Variants in NKAIN3 observed in about 807,000 individuals in gnomAD.
NKAIN3 encodes the protein sodium/potassium transporting ATPase interacting 3.
In NKAIN3, 25 loss-of-function variants were observed where a neutral mutation model predicts 30.2. The observed-to-expected ratio is 0.83, with a 90% CI of 0.60 to 1.16. The LOEUF is 1.16. NKAIN3 is among the 50% of genes most tolerant of loss of function. NKAIN3 has a pLI of 0.00. For missense variants in NKAIN3, 225 were observed against 254.1 expected, an observed-to-expected ratio of 0.89 and a Z score of 0.78; for synonymous variants, 91 against 89.6, an observed-to-expected ratio of 1.02 and a Z score of -0.09.
chr8:62,417,025 T>C (rs981614230), intron 1 of NKAIN3, among the ~76,000 whole-genome samples: 1 of 151,366 alleles, frequency 6.6e-6, no homozygotes, highest in East Asian at 1.9e-4. Flanking sequence ...TATATATGAC[T>C]ATAGTCACCC....
At position 62,971,797 on chromosome 8, in the gene NKAIN3, T is replaced by C. The variant is rs943524748; in HGVS notation, c.*6390T>C. ...ACACATTCTAGAAAAAATGTACATA[T>C]ATTCTTCAGTACTGTGAGAGATTTA... On this transcript the variant is annotated 3_prime_UTR_variant, in exon 7 of 7. Transcript: ENST00000623646. Among the ~76,000 whole-genome samples the C allele has an allele frequency of 2.6e-5, 4 of 152,210 alleles. No homozygotes were observed. Among genetic ancestry groups the C allele is most frequent in the African/African-American group, 9.6e-5 (4 of 41,456 alleles).
chr8:62,594,987 A>G (rs759625414), intron 3 of NKAIN3, among the ~76,000 whole-genome samples: 16 of 151,942 alleles, frequency 1.1e-4, no homozygotes, highest in Middle Eastern at 3.2e-3. Flanking sequence ...TGCTTCAAAC[A>G]TTTGAAGACC....
chr8:62,272,292 G>T (rs180815888), intron 1 of NKAIN3, among the ~76,000 whole-genome samples: 296 of 152,256 alleles, frequency 1.9e-3, no homozygotes, highest in African/African-American at 6.4e-3. Context: ...AGACAAGTAG[G>T]TTATCATAGT....
intron 1 of NKAIN3, among the ~76,000 whole-genome samples, chr8:62,272,576 T>C (rs2129393323): frequency 6.6e-6 from 1 of 152,316 alleles, no homozygotes; most frequent in Non-Finnish European, 1.5e-5. Flanking sequence ...TTGCAAATTG[T>C]ACTCAGTACC....
At chr8:62,457,540 T>G (rs140482086) in intron 1 of NKAIN3, among the ~76,000 whole-genome samples, 1 of 152,242 alleles carries the variant, frequency 6.6e-6, no homozygotes, top group Non-Finnish European at 1.5e-5. Context: ...GAGCACTTGA[T>G]GATTTCCACT....
At chr8:62,573,073 G>A (rs1360651745) in intron 1 of NKAIN3, among the ~76,000 whole-genome samples, 3 of 152,104 alleles carry the variant, frequency 2.0e-5, no homozygotes, top group Non-Finnish European at 4.4e-5. Flanking sequence ...AGCCTCATAA[G>A]AAAACACCTG....
chr8:62,746,374 A>C lies in NKAIN3; in HGVS notation c.274-558A>C, dbSNP rs61145974. Among the ~76,000 whole-genome samples the C allele has an allele frequency of 9.8e-3, 1,491 of 152,342 alleles. 23 individuals carry two copies. Among genetic ancestry groups the C allele is most frequent in the African/African-American group, 0.034 (1,413 of 41,580 alleles). On this transcript the variant is annotated intron_variant, in intron 3 of 6. Transcript: ENST00000623646. Reference sequence around the variant, plus strand: ...GATCCTAATTTAATCACATCTGCTCAGTCCTTTATTGCCTTATAAGGTAAA... The same window carrying C: ...GATCCTAATTTAATCACATCTGCTCCGTCCTTTATTGCCTTATAAGGTAAA...
intron 4 of NKAIN3, among the ~76,000 whole-genome samples, chr8:62,907,903 G>A (rs13272107): frequency 0.1 from 15,475 of 152,274 alleles, 883 homozygotes; most frequent in East Asian, 0.17. Context: ...CACCACTGGG[G>A]CAATGCCTAG....
chr8:62,745,024 T>G (rs1433910198), intron 3 of NKAIN3, among the ~76,000 whole-genome samples: 2 of 152,232 alleles, frequency 1.3e-5, no homozygotes, highest in African/African-American at 2.4e-5. Context: ...CTGGGAATGT[T>G]ACTACCCTTG....
chr8:62,941,603 C>T (rs1822955150), intron 5 of NKAIN3, among the ~76,000 whole-genome samples: 1 of 152,116 alleles, frequency 6.6e-6, no homozygotes, highest in Non-Finnish European at 1.5e-5. Flanking sequence ...GATGGTTTAA[C>T]ATATGCAAGT....
At chr8:62,469,769 G>A (rs1172713717) in intron 1 of NKAIN3, among the ~76,000 whole-genome samples, 1 of 152,128 alleles carries the variant, frequency 6.6e-6, no homozygotes, top group Non-Finnish European at 1.5e-5. Context: ...GTAGTGATAA[G>A]CTCTACTAAG....
At chr8:62,756,112 T>C (rs1353791267) in intron 4 of NKAIN3, among the ~76,000 whole-genome samples, 1 of 152,174 alleles carries the variant, frequency 6.6e-6, no homozygotes, top group Non-Finnish European at 1.5e-5. Flanking sequence ...TACCATACAA[T>C]TCATCATTTT....
intron 1 of NKAIN3, among the ~76,000 whole-genome samples, chr8:62,448,136 C>T (rs1805540161): frequency 6.6e-6 from 1 of 151,872 alleles, no homozygotes; most frequent in Non-Finnish European, 1.5e-5. Context: ...ACTCTCTTTG[C>T]TCTGACATAT....
At chr8:62,650,251 C>A (rs1418353839) in intron 3 of NKAIN3, among the ~76,000 whole-genome samples, 2 of 152,110 alleles carry the variant, frequency 1.3e-5, no homozygotes, top group African/African-American at 4.8e-5. Flanking sequence ...CTTATCAACC[C>A]TTCTTTCCTA....
intron 4 of NKAIN3, among the ~76,000 whole-genome samples, chr8:62,827,903 C>G (rs1367710711): frequency 6.6e-6 from 1 of 151,938 alleles, no homozygotes; most frequent in Non-Finnish European, 1.5e-5. Context: ...CATTTTAGAA[C>G]ACAGATCATA....
intron 3 of NKAIN3, among the ~76,000 whole-genome samples, chr8:62,632,611 T>A (rs184393269): frequency 6.6e-6 from 1 of 152,190 alleles, no homozygotes; most frequent in African/African-American, 2.4e-5. Context: ...CAAGCGATTC[T>A]CCTTCCTCAG....
At chr8:62,759,423 T>G (rs897741298) in intron 4 of NKAIN3, among the ~76,000 whole-genome samples, 18 of 152,184 alleles carry the variant, frequency 1.2e-4, no homozygotes, top group African/African-American at 4.1e-4. Context: ...AGATGAATTA[T>G]GTAGCAGTTG....
At chr8:62,469,313 TA>T (rs1222390887) in intron 1 of NKAIN3, among the ~76,000 whole-genome samples, 2 of 152,170 alleles carry the variant, frequency 1.3e-5, no homozygotes, top group Non-Finnish European at 2.9e-5. Flanking sequence ...ATCTCATCCT[TA>T]AAAAACAATG....
intron 3 of NKAIN3, among the ~76,000 whole-genome samples, chr8:62,665,924 A>G (rs1246422320): frequency 6.6e-6 from 1 of 152,198 alleles, no homozygotes; most frequent in Non-Finnish European, 1.5e-5. Context: ...CATGGAATTT[A>G]TCAGAATTCG....
Sources: gnomAD v4.1 joint callset for allele counts (sites outside exome capture counted in the v4.1 genomes callset) on GRCh38, gnomAD v4.1.1 for gene constraint, MANE v1.5 for transcripts, NCBI Gene and HGNC (gene_info 2026-07-23, HGNC 2026-07-21) for gene names.